ITPR1: variants seen among roughly 807,000 people sequenced by gnomAD.
The protein encoded by ITPR1 is inositol 1,4,5-trisphosphate-gated calcium channel ITPR1.
In ITPR1, 96 loss-of-function variants were observed where a neutral mutation model predicts 318.4. The ratio of observed to expected loss-of-function variants is 0.30; its 90% CI spans 0.26 to 0.36. The LOEUF (loss-of-function observed/expected upper bound fraction) is 0.36, where lower values mean the gene tolerates loss of function less well. Among genes scored for constraint, ITPR1 ranks in the 10% least tolerant of loss-of-function variants. The pLI is 1.00. For synonymous variants in ITPR1, 1,312 were observed against 1,289.9 expected (o/e 1.02, Z -0.37); for missense variants, 2,440 against 3,460.2 (o/e 0.71, Z 7.40).
chr3:4,507,513 C>G (rs1050685696), intron 2 of ITPR1, among the ~76,000 whole-genome samples: 12 of 152,158 alleles, frequency 7.9e-5, no homozygotes, highest in Non-Finnish European at 8.8e-5. Flanking sequence ...TTTTGTGAAA[C>G]AAAATTGCTT....
At chr3:4,597,437 C>G (rs942966081) in intron 4 of ITPR1, among the ~76,000 whole-genome samples, 1 of 152,124 alleles carries the variant, frequency 6.6e-6, no homozygotes, top group Non-Finnish European at 1.5e-5. Context: ...ATTTGAGCCC[C>G]CACGGAGACT....
intron 13 of ITPR1, among the ~76,000 whole-genome samples, chr3:4,659,863 C>G (rs985611211): frequency 6.6e-6 from 1 of 151,902 alleles, no homozygotes; most frequent in Non-Finnish European, 1.5e-5. Context: ...TACATTGTAA[C>G]AATAGAATAT....
chr3:4,826,125 G>C lies in ITPR1; in HGVS notation c.8028+7883G>C, dbSNP rs2050060525. Among the ~76,000 whole-genome samples, 1 of 152,254 alleles carries C rather than the reference G, an allele frequency of 6.6e-6. No homozygotes were observed. The highest frequency in any genetic ancestry group is 1.5e-5 in the Non-Finnish European group (1 of 68,040). Reference sequence around the variant, plus strand: ...ACCTCCTCTGTGCATGAAGCAGGCAGCTCCTGGCTGTTGATAAAGTGCCGT... The same window carrying C: ...ACCTCCTCTGTGCATGAAGCAGGCACCTCCTGGCTGTTGATAAAGTGCCGT... On this transcript the variant is annotated intron_variant, in intron 60 of 61. Transcript: ENST00000649015. The surrounding 1 kb of genome is among the most constrained non-coding windows in gnomAD (Gnocchi z 4.2).
chr3:4,604,330 T>A (rs1394673282), intron 4 of ITPR1, among the ~76,000 whole-genome samples: 1 of 152,096 alleles, frequency 6.6e-6, no homozygotes, highest in Non-Finnish European at 1.5e-5. Flanking sequence ...GGAGGTCAGG[T>A]AGGCAGGATG....
At chr3:4,666,283 A>C (rs2093944891) in intron 17 of ITPR1, among the ~76,000 whole-genome samples, 1 of 152,196 alleles carries the variant, frequency 6.6e-6, no homozygotes, top group Admixed American at 6.5e-5. Flanking sequence ...ATGTCATCAT[A>C]AAGATAGTGT....
chr3:4,652,518 C>G (rs1417066803), intron 11 of ITPR1, among the ~76,000 whole-genome samples: 1 of 152,126 alleles, frequency 6.6e-6, no homozygotes, highest in Non-Finnish European at 1.5e-5. Context: ...CGACCCTCCC[C>G]ACGTCTTGTC....
intron 4 of ITPR1, among the ~76,000 whole-genome samples, chr3:4,617,764 G>A (rs1007806576): frequency 2.0e-5 from 3 of 151,620 alleles, no homozygotes; most frequent in Non-Finnish European, 4.4e-5. Context: ...TGGATAAATC[G>A]CTTGAGCACA....
intron 19 of ITPR1, among the ~76,000 whole-genome samples, chr3:4,670,260 G>T (rs1443211885): frequency 1.3e-5 from 2 of 152,198 alleles, no homozygotes; most frequent in South Asian, 4.1e-4. Flanking sequence ...AATATGGACA[G>T]CCTTAAAAAA....
At chr3:4,530,773 TCAACAA>T (rs113306224) in intron 4 of ITPR1, among the ~76,000 whole-genome samples, 1 of 151,018 alleles carries the variant, frequency 6.6e-6, no homozygotes, top group South Asian at 2.1e-4. Context: ...AGAGCAAGAC[TCAACAA>T]CAACAACAAC....
chr3:4,631,755 C>G (rs2093021933), intron 5 of ITPR1, among the ~76,000 whole-genome samples: 1 of 151,980 alleles, frequency 6.6e-6, no homozygotes, highest in Non-Finnish European at 1.5e-5. Flanking sequence ...ATTAATAAAA[C>G]CATGGAAAGC....
chr3:4,783,961 G>A, intron 51 of ITPR1, 41 bp downstream of exon 51: 15 of 1,405,614 alleles, frequency 1.1e-5, no homozygotes, highest in Non-Finnish European at 1.4e-5. Context: ...TTGTGTTGAG[G>A]CCATTAGTGT....
chr3:4,831,610 A>C (rs967828971), intron 60 of ITPR1, among the ~76,000 whole-genome samples: 17 of 152,174 alleles, frequency 1.1e-4, no homozygotes, highest in African/African-American at 4.1e-4. Context: ...CAACAGACAA[A>C]GCGTCTTAGC....
At chr3:4,791,310 G>C (rs2047538418) in intron 52 of ITPR1, among the ~76,000 whole-genome samples, 1 of 152,208 alleles carries the variant, frequency 6.6e-6, no homozygotes, top group Admixed American at 6.5e-5. Flanking sequence ...TAGGGCAGCA[G>C]AGACTGGTTT....
intron 4 of ITPR1, among the ~76,000 whole-genome samples, chr3:4,521,868 TCAAAAACAAAAACAAAAA>T (rs112233957): frequency 1.3e-5 from 2 of 151,628 alleles, no homozygotes; most frequent in African/African-American, 2.4e-5. Flanking sequence ...AGACCCTGTC[TCAAAAACAAAAACAAAAA>T]CAAAAACAAA....
rs1314118845 is a variant in ITPR1 at position 4,847,386 on chromosome 3, A to C, written c.*1161A>C. The C allele has an allele frequency of 1.3e-5, 1 of 74,742 alleles. No individual in the cohort carries two copies. Among genetic ancestry groups the C allele is most frequent in the Non-Finnish European group, 2.8e-5 (1 of 35,588 alleles). 4.6% of individuals were successfully genotyped at this position (74,742 alleles called of 1,614,324 possible). A position where few individuals can be genotyped will look rare whatever the true frequency, so the allele number is the denominator to read the frequency against. On this transcript the variant is annotated 3_prime_UTR_variant, in exon 62 of 62. Transcript: ENST00000649015. ...TACATGGATCTCATTTTACAAGAGA[A>C]TCTCTCTGCAAAAAAAAAAAAAACA...
At chr3:4,554,029 C>T (rs899411669) in intron 4 of ITPR1, among the ~76,000 whole-genome samples, 13 of 152,196 alleles carry the variant, frequency 8.5e-5, no homozygotes, top group Non-Finnish European at 1.6e-4. Context: ...AGGTGTGAGC[C>T]ACCGCGCCCA....
At chr3:4,565,306 C>G (rs2087114948) in intron 4 of ITPR1, among the ~76,000 whole-genome samples, 1 of 152,198 alleles carries the variant, frequency 6.6e-6, no homozygotes, top group African/African-American at 2.4e-5. Flanking sequence ...GTCACAGCCA[C>G]TAGCACTGGA....
chr3:4,682,192 G>A (rs1272216875), intron 26 of ITPR1, among the ~76,000 whole-genome samples: 1 of 152,236 alleles, frequency 6.6e-6, no homozygotes, highest in Non-Finnish European at 1.5e-5. Flanking sequence ...CTGTAGTGAG[G>A]TGGTAACTGG....
intron 31 of ITPR1, among the ~76,000 whole-genome samples, chr3:4,690,668 G>T (rs9833138): frequency 0.41 from 62,527 of 151,948 alleles, 13,960 homozygotes; most frequent in Non-Finnish European, 0.53. Flanking sequence ...ATAATACTAG[G>T]AATGTTACTA....
Sources: gnomAD v4.1 joint callset for allele counts (sites outside exome capture counted in the v4.1 genomes callset) on GRCh38, gnomAD v4.1.1 for gene constraint, Gnocchi (gnomAD v3.1) non-coding constraint, MANE v1.5 for transcripts, NCBI Gene and HGNC (gene_info 2026-07-23, HGNC 2026-07-21) for gene names.